The following GNB4 variants were observed in gnomAD, a reference collection of about 807,000 sequenced individuals.
GNB4 encodes G protein subunit beta 4.
GNB4 carries 28 observed loss-of-function variants against 45.2 expected under a neutral mutation model. The ratio of observed to expected loss-of-function variants is 0.62; its 90% CI spans 0.46 to 0.85. The LOEUF (loss-of-function observed/expected upper bound fraction) is 0.85, where lower values mean the gene tolerates loss of function less well. GNB4 is among the 40% of genes least tolerant of loss of function. The pLI is 0.00. For missense variants in GNB4, 321 were observed against 425.4 expected (o/e 0.75, Z 2.16); for synonymous variants, 132 against 143.7 (o/e 0.92, Z 0.58).
the GNB4 span, among the ~76,000 whole-genome samples, chr3:179,499,093 C>T: frequency 6.6e-6 from 1 of 151,422 alleles, no homozygotes; most frequent in Non-Finnish European, 1.5e-5. Flanking sequence ...AGGACATTAA[C>T]TCATCCTTTT....
the GNB4 span, among the ~76,000 whole-genome samples, chr3:179,519,666 G>A: frequency 3.3e-5 from 5 of 152,096 alleles, no homozygotes; most frequent in South Asian, 2.1e-4. Flanking sequence ...CTATTCCTAG[G>A]CTACAGCCAC....
At chr3:179,464,329 A>T in the GNB4 span, 1 of 681,134 alleles carries the variant, frequency 1.5e-6, no homozygotes, top group South Asian at 1.6e-5. Flanking sequence ...GTCCCGGCGC[A>T]GTCACCGGCA....
chr3:179,424,165 C>T (rs1295564498), intron 2 of GNB4, among the ~76,000 whole-genome samples: 1 of 152,198 alleles, frequency 6.6e-6, no homozygotes, highest in Non-Finnish European at 1.5e-5. Context: ...CTCACTGAGC[C>T]TCAGCTTCCT....
chr3:179,495,017 T>C, the GNB4 span, among the ~76,000 whole-genome samples: 1 of 151,694 alleles, frequency 6.6e-6, no homozygotes, highest in Admixed American at 6.6e-5. Flanking sequence ...GCTCAAAGGT[T>C]CCCATTCAGG....
chr3:179,448,296 T>C (rs75766215), intron 1 of GNB4, among the ~76,000 whole-genome samples: 13,562 of 152,250 alleles, frequency 0.089, 895 homozygotes, highest in Admixed American at 0.16. Flanking sequence ...TTCTTCCACG[T>C]TGGAAACCCT....
the GNB4 span, among the ~76,000 whole-genome samples, chr3:179,504,832 C>T: frequency 6.9e-3 from 1,052 of 152,196 alleles, 7 homozygotes; most frequent in African/African-American, 0.024. Flanking sequence ...GGTCTGTCTG[C>T]CTGACAAGAT....
intron 9 of GNB4, among the ~76,000 whole-genome samples, chr3:179,404,565 A>C (rs1004109927): frequency 1.3e-5 from 2 of 152,150 alleles, no homozygotes; most frequent in South Asian, 2.1e-4. Flanking sequence ...GGGGTAGGTA[A>C]ATTACTAAAT....
chr3:179,475,059 G>A, the GNB4 span, among the ~76,000 whole-genome samples: 8 of 152,100 alleles, frequency 5.3e-5, no homozygotes, highest in Admixed American at 1.3e-4. Context: ...GCAAGCAAGG[G>A]TGAGAGCAAG....
intron 1 of GNB4, among the ~76,000 whole-genome samples, chr3:179,436,474 ATTTT>A (rs1009712454): frequency 5.3e-5 from 8 of 152,218 alleles, no homozygotes; most frequent in Non-Finnish European, 1.0e-4. Context: ...TCTATTCATA[ATTTT>A]TAATTTGGTG....
the GNB4 span, among the ~76,000 whole-genome samples, chr3:179,495,334 A>G: frequency 1.3e-5 from 2 of 151,682 alleles, no homozygotes; most frequent in Non-Finnish European, 2.9e-5. Context: ...AAAATTAGCC[A>G]GGTATGGTGG....
Position 179,445,343 on chromosome 3 carries a change from G to A in GNB4, c.-43+6003C>T, listed in dbSNP as rs569079002. Among the ~76,000 whole-genome samples the A allele has an allele frequency of 9.2e-5, 14 of 152,080 alleles. 1 individual carries two copies. In the South Asian group the frequency reaches 2.7e-3, roughly 29 times the overall value. ...TCTGTCACCCAGGCTGGAGTGCAGT[G>A]GCATGATCATAGTTCACTGCAACCT... On this transcript the variant is annotated intron_variant, in intron 1 of 9. Transcript: ENST00000232564.
intron 1 of GNB4, chr3:179,451,043 G>A (rs1390696121): frequency 6.6e-6 from 1 of 152,220 alleles, no homozygotes; most frequent in Non-Finnish European, 1.5e-5. Flanking sequence ...GGGTCTGCAG[G>A]ACTTGGACCG....
the GNB4 span, among the ~76,000 whole-genome samples, chr3:179,488,566 C>T: frequency 6.6e-6 from 1 of 152,114 alleles, no homozygotes; most frequent in African/African-American, 2.4e-5. Flanking sequence ...AATTTATACA[C>T]TGTGTGATTT....
chr3:179,419,576 G>A (rs539352829), intron 3 of GNB4, 71 bp from the exon 4 acceptor site: 1 of 933,976 alleles, frequency 1.1e-6, no homozygotes, highest in Non-Finnish European at 1.8e-6. Flanking sequence ...ACTAGAAACA[G>A]TGAGGAGTTA....
chr3:179,466,325 A>G, the GNB4 span, among the ~76,000 whole-genome samples: 2 of 152,122 alleles, frequency 1.3e-5, no homozygotes, highest in Non-Finnish European at 2.9e-5. Flanking sequence ...CTACAGTCTT[A>G]TATCCCAACA....
At chr3:179,502,943 C>T in the GNB4 span, among the ~76,000 whole-genome samples, 1 of 152,126 alleles carries the variant, frequency 6.6e-6, no homozygotes, top group East Asian at 1.9e-4. Context: ...GGGTTCAAGC[C>T]GTCCTCCCAC....
upstream of GNB4, among the ~76,000 whole-genome samples, chr3:179,452,985 C>T (rs927501744): frequency 2.0e-5 from 3 of 152,100 alleles, no homozygotes; most frequent in Admixed American, 6.5e-5. Flanking sequence ...GTACTTAATC[C>T]TCATAATTAC....
intron 2 of GNB4, among the ~76,000 whole-genome samples, chr3:179,422,580 T>C (rs1286697178): frequency 6.6e-6 from 1 of 152,180 alleles, no homozygotes; most frequent in African/African-American, 2.4e-5. Flanking sequence ...GGTAAGATAT[T>C]TGTGCAAAAG....
In GNB4 at chr3:179,414,958, G is replaced by A; in HGVS notation, c.357C>T (p.Asn119=). ...GNYVACGGLD[N]ICSIYNLKTR... The stretch of plus-strand genomic sequence containing the variant: ...TCTTTAAGTTATATATAGAGCAGAT[G>A]TTGTCCAAGCCTCCACAGGCAACAT... The change falls in exon 6 of 10, where the codon AAC becomes AAT. Residue 119 remains asparagine, a synonymous_variant. Transcript: ENST00000232564. The A allele has an allele frequency of 6.2e-7, 1 of 1,612,828 alleles. No individual in the cohort carries two copies. The highest frequency in any genetic ancestry group is 8.5e-7 in the Non-Finnish European group (1 of 1,179,144).
Sources: gnomAD v4.1 joint callset for allele counts (sites outside exome capture counted in the v4.1 genomes callset) on GRCh38, gnomAD v4.1.1 for gene constraint, MANE v1.5 for transcripts, NCBI Gene and HGNC (gene_info 2026-07-23, HGNC 2026-07-21) for gene names.